AZIN2: variants seen among roughly 807,000 people sequenced by gnomAD.
The protein encoded by AZIN2 is ODC antizyme inhibitor-2.
A neutral mutation model predicts 47.8 loss-of-function variants in AZIN2; 28 were observed. That is an observed-to-expected ratio of 0.59 (90% confidence interval 0.43 to 0.80). The LOEUF (loss-of-function observed/expected upper bound fraction) is 0.80. AZIN2 is among the 30% of genes least tolerant of loss of function. The pLI is 0.00. For synonymous variants in AZIN2, 221 were observed against 239.4 expected, an observed-to-expected ratio of 0.92 and a Z score of 0.71; for missense variants, 535 against 582.5, an observed-to-expected ratio of 0.92 and a Z score of 0.84.
chr1:33,151,150 G>T, the AZIN2 span, among the ~76,000 whole-genome samples: 2 of 151,970 alleles, frequency 1.3e-5, no homozygotes, highest in South Asian at 2.1e-4. Flanking sequence ...GCTCTCCGTG[G>T]GTCTGAGACC....
the AZIN2 span, among the ~76,000 whole-genome samples, chr1:33,139,520 G>A: frequency 6.6e-6 from 1 of 152,174 alleles, no homozygotes; most frequent in South Asian, 2.1e-4. Context: ...GGGACATGAA[G>A]GATGAGTAAG....
intron 10 of AZIN2, among the ~76,000 whole-genome samples, chr1:33,107,709 A>T (rs1244479554): frequency 6.6e-6 from 1 of 152,260 alleles, no homozygotes; most frequent in Non-Finnish European, 1.5e-5. Flanking sequence ...ACTATCTGAA[A>T]AAGAAATCAA....
downstream of AZIN2, among the ~76,000 whole-genome samples, chr1:33,126,041 A>G (rs961811680): frequency 6.6e-6 from 1 of 152,208 alleles, no homozygotes; most frequent in Non-Finnish European, 1.5e-5. Context: ...TTCCTGCCCC[A>G]GCATTCTATA....
chr1:33,150,260 A>T, the AZIN2 span, among the ~76,000 whole-genome samples: 1 of 152,194 alleles, frequency 6.6e-6, no homozygotes, highest in Admixed American at 6.5e-5. Flanking sequence ...TTACTGGCGA[A>T]GTGGGGACAT....
At chr1:33,159,574 G>T in the AZIN2 span, 8 of 1,398,300 alleles carry the variant, frequency 5.7e-6, no homozygotes, top group Admixed American at 2.6e-5. This position sits in a 1 kb window ranked among gnomAD's most constrained non-coding sequence, Gnocchi z 4.2. Context: ...GTTTGATGAA[G>T]ATTTGAATGA....
chr1:33,083,354 C>G (rs1641504584), intron 4 of AZIN2: 2 of 161,112 alleles, frequency 1.2e-5, no homozygotes, highest in South Asian at 3.5e-4. Flanking sequence ...CAGCCTCATA[C>G]ATGTTTGGCC....
chr1:33,082,375 G>T (rs761497999), intron 4 of AZIN2, 21 bp downstream of exon 4: 7 of 1,591,260 alleles, frequency 4.4e-6, no homozygotes, highest in Non-Finnish European at 6.0e-6. Context: ...GGGAATGGGG[G>T]TGGGTCCCCG....
At chr1:33,128,313 G>A (rs1644871260), downstream of AZIN2, among the ~76,000 whole-genome samples, 1 of 152,144 alleles carries the variant, frequency 6.6e-6, no homozygotes, top group South Asian at 2.1e-4. Context: ...GGAGGTCGAG[G>A]CTTCAGTGAG....
downstream of AZIN2, among the ~76,000 whole-genome samples, chr1:33,125,744 C>A (rs555819731): frequency 6.6e-6 from 1 of 152,208 alleles, no homozygotes; most frequent in South Asian, 2.1e-4. Context: ...CCTTTCCTTT[C>A]CTTTCCTTTC....
chr1:33,122,558 G>A lies in AZIN2; in HGVS notation c.*2376G>A, dbSNP rs2124683293. On this transcript the variant is annotated 3_prime_UTR_variant, in exon 12 of 12. Transcript: ENST00000294517. The stretch of plus-strand genomic sequence containing the variant: ...TGTGGAGAATGGTAAGGGGCTTCAG[G>A]CTTGTGCAGGCGAATCTAAGCAGGG... Among the ~76,000 whole-genome samples the A allele has an allele frequency of 6.6e-6, 1 of 152,268 alleles. No homozygotes were observed.
Position 33,092,097 on chromosome 1 carries a change from C to A in AZIN2, c.327C>A (p.Ile109=), listed in dbSNP as rs267598558. The A allele has an allele frequency of 5.0e-6, 8 of 1,614,034 alleles. No homozygotes were observed. The Admixed American group carries it at 1.2e-4, about 24-fold the overall frequency. ...VQHIGIPASK[I]ICANPCKQIA... The stretch of plus-strand genomic sequence containing the variant: ...ATATTGGAATCCCTGCCAGTAAGAT[C>A]ATCTGCGCCAACCCCTGTAAGCAAA... Residue 109 remains isoleucine (I), a synonymous_variant, in exon 6 of 12, where the codon ATC becomes ATA. Transcript: ENST00000294517.
Position 33,120,248 on chromosome 1 carries a change from A to G in AZIN2, c.*66A>G. 18 of 1,539,586 alleles carry G rather than the reference A, an allele frequency of 1.2e-5. 2 individuals are homozygous for G. In the South Asian group the frequency reaches 2.2e-4, roughly 19 times the overall value. ...GAGATGCATCTGGGAGAGGTGGGGA[A>G]GATGGCAGGCAAGGGTACCCTTGGC... On this transcript the variant is annotated 3_prime_UTR_variant, in exon 12 of 12. Coordinates refer to ENST00000294517, the MANE Select transcript of AZIN2 (RefSeq NM_052998.4).
chr1:33,092,724 T>C (rs1241898888), intron 6 of AZIN2, among the ~76,000 whole-genome samples: 2 of 151,600 alleles, frequency 1.3e-5, no homozygotes, highest in Non-Finnish European at 2.9e-5. Flanking sequence ...GGCTGACGCA[T>C]GCTATGTGTA....
chr1:33,081,707 G>T lies in AZIN2; in HGVS notation c.-178G>T, dbSNP rs1641274614. ...TTACAATTGGGGAAACTGCGGCTCC[G>T]AAAGGGTCAGAGGGTACCCGAGGTC... On this transcript the variant is annotated 5_prime_UTR_variant, in exon 3 of 12. Transcript: ENST00000294517. The surrounding 1 kb of genome is among the most constrained non-coding windows in gnomAD (Gnocchi z 4.2). The T allele has an allele frequency of 1.2e-5, 2 of 170,892 alleles. No homozygotes were observed. The highest frequency in any genetic ancestry group is 4.8e-5 in the African/African-American group (2 of 41,498). 10.6% of individuals were successfully genotyped at this position (170,892 alleles called of 1,614,324 possible).
At chr1:33,145,487 C>T in the AZIN2 span, 1 of 160,992 alleles carries the variant, frequency 6.2e-6, no homozygotes, top group Admixed American at 6.0e-5. Flanking sequence ...CTGGGGTGGC[C>T]CAGATTCTGG....
the AZIN2 span, among the ~76,000 whole-genome samples, chr1:33,149,702 G>C: frequency 1.3e-5 from 2 of 152,238 alleles, no homozygotes; most frequent in African/African-American, 4.8e-5. Flanking sequence ...TGATCCTGCT[G>C]CCTCAGCCTC....
intron 6 of AZIN2, 130 bp from the exon 7 acceptor site, chr1:33,093,152 A>AGG: frequency 1.7e-6 from 2 of 1,191,092 alleles, no homozygotes; most frequent in Non-Finnish European, 2.4e-6. Flanking sequence ...GTGTAGGGAG[A>AGG]GGGAGGGGTC....
Position 33,122,446 on chromosome 1 carries a change from GA to G in AZIN2, c.*2265del, listed in dbSNP as rs35183665. On this transcript the variant is annotated 3_prime_UTR_variant, in exon 12 of 12. Coordinates refer to ENST00000294517, the MANE Select transcript of AZIN2 (RefSeq NM_052998.4). The stretch of plus-strand genomic sequence containing the variant: ...CAGAACTTGATGTGGCTTACTTGAG[GA>G]TAATAGTTAATAGTCATTTTTTCCC... 0.2 allele frequency among the ~76,000 whole-genome samples: 30,890 copies of G among 152,182 alleles called. 3,831 individuals are homozygous for G. Among genetic ancestry groups the G allele is most frequent in the South Asian group, 0.31 (1,496 of 4,826 alleles).
chr1:33,165,393 C>G, the AZIN2 span: 5 of 1,355,312 alleles, frequency 3.7e-6, no homozygotes, highest in Admixed American at 8.9e-5. The surrounding 1 kb of genome is among the most constrained non-coding windows in gnomAD (Gnocchi z 4.0). Context: ...CCCCGCCCCT[C>G]TTCCCCAGCT....
Sources: allele counts gnomAD v4.1 joint callset (sites outside exome capture counted in the v4.1 genomes callset), GRCh38; gene constraint gnomAD v4.1.1; non-coding constraint Gnocchi (gnomAD v3.1); transcripts MANE v1.5; gene names NCBI Gene and HGNC (gene_info 2026-07-23, HGNC 2026-07-21).